CSMD1: variants seen among roughly 807,000 people sequenced by gnomAD.
CSMD1 encodes CUB and sushi domain-containing protein 1.
A neutral mutation model predicts 417.5 loss-of-function variants in CSMD1; 213 were observed. That is an observed-to-expected ratio of 0.51 (90% CI 0.46 to 0.57). The LOEUF is 0.57. Among genes scored for constraint, CSMD1 ranks in the 20% least tolerant of loss-of-function variants. CSMD1 has a pLI of 0.00. For missense variants in CSMD1, 6,923 were observed against 4,529.7 expected, an observed-to-expected ratio of 1.53 and a Z score of -15.17; for synonymous variants, 2,862 against 1,736.8, an observed-to-expected ratio of 1.65 and a Z score of -16.11.
At chr8:4,909,064 G>C (rs1805492112) in intron 1 of CSMD1, among the ~76,000 whole-genome samples, 1 of 152,164 alleles carries the variant, frequency 6.6e-6, no homozygotes, top group Admixed American at 6.5e-5. Context: ...ATGAAGATTT[G>C]TGTTAATCGG....
At chr8:4,330,369 C>T (rs920426378) in intron 3 of CSMD1, among the ~76,000 whole-genome samples, 1 of 152,048 alleles carries the variant, frequency 6.6e-6, no homozygotes, top group Non-Finnish European at 1.5e-5. Context: ...ACTAGTCAGG[C>T]AGATCACTTG....
chr8:3,711,645 G>C (rs1257587183), intron 6 of CSMD1, among the ~76,000 whole-genome samples: 1 of 152,126 alleles, frequency 6.6e-6, no homozygotes, highest in Non-Finnish European at 1.5e-5. Flanking sequence ...AACACGAGAT[G>C]GGGTATCTGC....
intron 10 of CSMD1, among the ~76,000 whole-genome samples, chr8:3,548,278 T>C (rs1289397478): frequency 6.6e-6 from 1 of 152,198 alleles, no homozygotes; most frequent in Non-Finnish European, 1.5e-5. Flanking sequence ...TTGTCTATTT[T>C]AAAATGCTTA....
At chr8:4,966,293 C>G (rs1422681308) in intron 1 of CSMD1, among the ~76,000 whole-genome samples, 1 of 151,682 alleles carries the variant, frequency 6.6e-6, no homozygotes, top group Non-Finnish European at 1.5e-5. Flanking sequence ...GCAGGAGGAT[C>G]ACTTGAACCC....
At chr8:3,745,699 C>A (rs1033688213) in intron 6 of CSMD1, among the ~76,000 whole-genome samples, 1 of 152,190 alleles carries the variant, frequency 6.6e-6, no homozygotes, top group Non-Finnish European at 1.5e-5. Flanking sequence ...GGAGTAAGGA[C>A]GTTAACCTCC....
chr8:3,896,314 A>G (rs965093497), intron 5 of CSMD1, among the ~76,000 whole-genome samples: 3 of 152,250 alleles, frequency 2.0e-5, no homozygotes, highest in Non-Finnish European at 4.4e-5. Flanking sequence ...GCATAAATGT[A>G]TTTCCAGATT....
intron 23 of CSMD1, among the ~76,000 whole-genome samples, chr8:3,313,291 G>A (rs973127307): frequency 2.0e-5 from 3 of 152,112 alleles, no homozygotes; most frequent in African/African-American, 4.8e-5. Context: ...AACTAACGAG[G>A]TTCTGCACAG....
chr8:4,061,246 C>T (rs1277339184), intron 3 of CSMD1, among the ~76,000 whole-genome samples: 1 of 152,120 alleles, frequency 6.6e-6, no homozygotes, highest in East Asian at 1.9e-4. Flanking sequence ...AGGAGCTGTT[C>T]TAAGTTAGAC....
chr8:3,480,416 G>A (rs1475811891), intron 11 of CSMD1, among the ~76,000 whole-genome samples: 4 of 151,896 alleles, frequency 2.6e-5, no homozygotes, highest in Non-Finnish European at 5.9e-5. Flanking sequence ...AGGCCTGTGG[G>A]ACAAAACAAA....
chr8:4,440,258 T>C (rs1563175117), intron 2 of CSMD1, among the ~76,000 whole-genome samples: 2 of 152,192 alleles, frequency 1.3e-5, no homozygotes, highest in Admixed American at 1.3e-4. Flanking sequence ...ATATTGTATA[T>C]ATTTATAAGA....
At chr8:3,526,264 A>C (rs1797749499) in intron 10 of CSMD1, among the ~76,000 whole-genome samples, 1 of 152,192 alleles carries the variant, frequency 6.6e-6, no homozygotes, top group Non-Finnish European at 1.5e-5. Flanking sequence ...CTTAAAATAT[A>C]AAGCTACCAA....
chr8:4,811,545 T>C lies in CSMD1; in HGVS notation c.86-173987A>G, dbSNP rs539930899. Among the ~76,000 whole-genome samples the C allele has an allele frequency of 3.3e-5, 5 of 152,246 alleles. No homozygotes were observed. The East Asian group carries it at 7.7e-4, about 24-fold the overall frequency. On this transcript the variant is annotated intron_variant, in intron 1 of 69. Transcript: ENST00000635120. Reference sequence around the variant, plus strand: ...CATAGAAACAAGAGGTATTTCCCAATATTGACATGGAAAAATAAACACATG... The same window carrying C: ...CATAGAAACAAGAGGTATTTCCCAACATTGACATGGAAAAATAAACACATG...
intron 1 of CSMD1, among the ~76,000 whole-genome samples, chr8:4,873,905 G>A (rs1459879210): frequency 6.6e-6 from 1 of 152,016 alleles, no homozygotes; most frequent in Non-Finnish European, 1.5e-5. Flanking sequence ...CAATTAGAAA[G>A]AAGAAAGGAA....
intron 7 of CSMD1, among the ~76,000 whole-genome samples, chr8:3,675,250 C>T (rs1450114982): frequency 6.6e-6 from 1 of 152,166 alleles, no homozygotes; most frequent in Admixed American, 6.5e-5. Context: ...CTTCATTGAC[C>T]TGGCTGGCAT....
chr8:4,909,780 G>A (rs1238721668), intron 1 of CSMD1, among the ~76,000 whole-genome samples: 1 of 152,126 alleles, frequency 6.6e-6, no homozygotes, highest in Non-Finnish European at 1.5e-5. Context: ...ATGTACATTT[G>A]TTTTGGTTGT....
At chr8:3,545,031 A>G (rs1033918686) in intron 10 of CSMD1, among the ~76,000 whole-genome samples, 1 of 152,172 alleles carries the variant, frequency 6.6e-6, no homozygotes, top group African/African-American at 2.4e-5. Flanking sequence ...AGGACAGTAT[A>G]AAGTTAATTT....
chr8:3,558,040 C>G (rs1023699911), intron 10 of CSMD1, among the ~76,000 whole-genome samples: 1 of 149,898 alleles, frequency 6.7e-6, no homozygotes, highest in Non-Finnish European at 1.5e-5. Flanking sequence ...TCAGAAGTAA[C>G]CCGTGTCCAC....
At chr8:4,148,362 C>A (rs1269848610) in intron 3 of CSMD1, among the ~76,000 whole-genome samples, 1 of 107,998 alleles carries the variant, frequency 9.3e-6, no homozygotes, top group African/African-American at 3.9e-5. Context: ...ACACCGGTGC[C>A]TGTTGTGGGG....
chr8:3,153,984 T>A (rs995033001), intron 39 of CSMD1, among the ~76,000 whole-genome samples: 1 of 152,216 alleles, frequency 6.6e-6, no homozygotes, highest in Non-Finnish European at 1.5e-5. Flanking sequence ...AACTTTTTTT[T>A]AAGACAGAGT....
Sources: allele counts gnomAD v4.1 joint callset (sites outside exome capture counted in the v4.1 genomes callset), GRCh38; gene constraint gnomAD v4.1.1; transcripts MANE v1.5; gene names NCBI Gene and HGNC (gene_info 2026-07-23, HGNC 2026-07-21).